The following PRORP variants were observed in gnomAD, a reference collection of about 807,000 sequenced individuals.
PRORP encodes mitochondrial ribonuclease P catalytic subunit.
In PRORP, 51 loss-of-function variants were observed where a neutral mutation model predicts 59.4. That is an observed-to-expected ratio of 0.86 (90% CI 0.69 to 1.08). PRORP has a LOEUF of 1.08. Among genes scored for constraint, PRORP ranks in the 50% least tolerant of loss-of-function variants. PRORP has a pLI of 0.00. For synonymous variants in PRORP, 231 were observed against 245.6 expected (o/e 0.94, Z 0.55); for missense variants, 646 against 690.3 (o/e 0.94, Z 0.72).
chr14:35,147,551 C>T (rs533108366), intron 4 of PRORP, among the ~76,000 whole-genome samples: 69 of 152,236 alleles, frequency 4.5e-4, no homozygotes, highest in Admixed American at 9.8e-4. Flanking sequence ...TGCCACATTG[C>T]CCAGGCTGGT....
intron 5 of PRORP, among the ~76,000 whole-genome samples, chr14:35,244,163 C>G (rs2050428114): frequency 6.6e-6 from 1 of 152,188 alleles, no homozygotes; most frequent in African/African-American, 2.4e-5. Flanking sequence ...GATGTGAGGG[C>G]TTGGGGATTT....
intron 5 of PRORP, among the ~76,000 whole-genome samples, chr14:35,192,239 G>A (rs1013892111): frequency 5.9e-5 from 9 of 152,154 alleles, no homozygotes; most frequent in Non-Finnish European, 8.8e-5. Context: ...CCAAATCTTC[G>A]TACTTGCTAT....
chr14:35,195,241 C>T (rs1409815066), intron 5 of PRORP, among the ~76,000 whole-genome samples: 1 of 152,090 alleles, frequency 6.6e-6, no homozygotes, highest in Non-Finnish European at 1.5e-5. Flanking sequence ...TTTCAGAAAT[C>T]TGTTCTGCAG....
chr14:35,209,087 TC>T (rs904648365), intron 5 of PRORP, among the ~76,000 whole-genome samples: 3 of 151,800 alleles, frequency 2.0e-5, no homozygotes, highest in African/African-American at 7.3e-5. Flanking sequence ...CCAGACATGC[TC>T]ACTTGAACCC....
At position 35,143,631 on chromosome 14, in the gene PRORP, TTTTG is replaced by T. The variant is rs199887396; in HGVS notation, c.1167+16048_1167+16051del. ...TATGGCTTAATAAAAGACAGATAGT[TTTTG>T]TTTGTTTGTTTGTTTGTTTGTTTGT... On this transcript the variant is annotated intron_variant, in intron 4 of 7. Transcript: ENST00000534898. 3.8e-3 allele frequency among the ~76,000 whole-genome samples: 553 copies of T among 145,094 alleles called. 38 individuals carry two copies. The highest frequency in any genetic ancestry group is 7.1e-3 in the African/African-American group (292 of 40,990).
chr14:35,195,442 A>G (rs2048984774), intron 5 of PRORP, among the ~76,000 whole-genome samples: 1 of 152,146 alleles, frequency 6.6e-6, no homozygotes, highest in African/African-American at 2.4e-5. Flanking sequence ...TGAAAATAAA[A>G]AAAAAATTAC....
chr14:35,169,578 A>G (rs982854721), intron 4 of PRORP, among the ~76,000 whole-genome samples: 1 of 152,206 alleles, frequency 6.6e-6, no homozygotes, highest in East Asian at 1.9e-4. Context: ...GTGAGAGCAC[A>G]GGAAAAACTA....
At chr14:35,168,109 C>T (rs1332449956) in intron 4 of PRORP, among the ~76,000 whole-genome samples, 2 of 152,074 alleles carry the variant, frequency 1.3e-5, no homozygotes, top group Non-Finnish European at 2.9e-5. Context: ...TGTGTATTTT[C>T]TTACTTCTTC....
chr14:35,218,464 AAAG>A (rs1428064487), intron 5 of PRORP, among the ~76,000 whole-genome samples: 3 of 144,146 alleles, frequency 2.1e-5, no homozygotes, highest in African/African-American at 5.1e-5. Flanking sequence ...CTGTCTAAAA[AAAG>A]AAAAAAAAAA....
At chr14:35,228,140 C>T (rs1243675670) in intron 5 of PRORP, among the ~76,000 whole-genome samples, 2 of 152,092 alleles carry the variant, frequency 1.3e-5, no homozygotes, top group African/African-American at 4.8e-5. Context: ...AAGACTCCGT[C>T]TCAAAATAAA....
chr14:35,256,291 CAAAAAAA>C (rs199957765), intron 5 of PRORP, among the ~76,000 whole-genome samples: 1 of 81,852 alleles, frequency 1.2e-5, no homozygotes, highest in Non-Finnish European at 2.1e-5. Flanking sequence ...CTCAAAATCT[CAAAAAAA>C]AAAAAAGAAA....
At chr14:35,154,729 A>T (rs567712084) in intron 4 of PRORP, among the ~76,000 whole-genome samples, 40 of 151,930 alleles carry the variant, frequency 2.6e-4, no homozygotes, top group African/African-American at 9.4e-4. Context: ...TGGAGCAATG[A>T]TCTATAGATA....
chr14:35,269,896 A>G (rs1353752919), intron 6 of PRORP, among the ~76,000 whole-genome samples: 1 of 152,136 alleles, frequency 6.6e-6, no homozygotes, highest in Non-Finnish European at 1.5e-5. Flanking sequence ...ACCAAAGAAG[A>G]TGTTTTGGGG....
At chr14:35,206,600 G>A (rs375481304) in intron 5 of PRORP, among the ~76,000 whole-genome samples, 9 of 152,130 alleles carry the variant, frequency 5.9e-5, no homozygotes, top group African/African-American at 2.2e-4. Flanking sequence ...CTTCTAACCT[G>A]AAATCATCTT....
chr14:35,147,755 CT>C (rs35353637), intron 4 of PRORP, among the ~76,000 whole-genome samples: 1 of 152,190 alleles, frequency 6.6e-6, no homozygotes, highest in Non-Finnish European at 1.5e-5. Flanking sequence ...CACATTAGAA[CT>C]TTTTTCAAAA....
chr14:35,223,879 A>G (rs2138457284), intron 5 of PRORP, among the ~76,000 whole-genome samples: 1 of 152,324 alleles, frequency 6.6e-6, no homozygotes, highest in Non-Finnish European at 1.5e-5. Flanking sequence ...AGACTCTACT[A>G]CTAAATAATA....
chr14:35,257,076 T>G (rs945087896), intron 5 of PRORP, among the ~76,000 whole-genome samples: 8 of 151,956 alleles, frequency 5.3e-5, no homozygotes, highest in African/African-American at 1.9e-4. Context: ...GGTTCTACCA[T>G]GTTAACCAGG....
At chr14:35,188,957 A>AGAAAG (rs1555326773) in intron 5 of PRORP, among the ~76,000 whole-genome samples, 4 of 40,984 alleles carry the variant, frequency 9.8e-5, no homozygotes, top group Non-Finnish European at 1.6e-4. Flanking sequence ...AAAAAAAAAA[A>AGAAAG]AAAAAAAGTA....
rs1009356376 is a variant in PRORP, at chr14:35,276,103, T to C, written c.*2537T>C. The C allele has an allele frequency of 3.9e-5, 6 of 152,214 alleles. No homozygotes were observed. The highest frequency in any genetic ancestry group is 2.1e-4 in the South Asian group (1 of 4,824). 9.4% of individuals were successfully genotyped at this position (152,214 alleles called of 1,614,324 possible). ...TGGGAGAATTGCTTGAAGCCAGGAG[T>C]TGGAGACCAGCCTAGGCAACACAGG... On this transcript the variant is annotated 3_prime_UTR_variant, in exon 8 of 8. Coordinates refer to ENST00000534898, the MANE Select transcript of PRORP (RefSeq NM_014672.4).
Sources: gnomAD v4.1 joint callset for allele counts (sites outside exome capture counted in the v4.1 genomes callset) on GRCh38, gnomAD v4.1.1 for gene constraint, MANE v1.5 for transcripts, NCBI Gene and HGNC (gene_info 2026-07-23, HGNC 2026-07-21) for gene names.